The following KIF1B variants were observed in gnomAD, a reference collection of about 807,000 sequenced individuals.
The protein encoded by KIF1B is kinesin-like protein KIF1B.
A neutral mutation model predicts 241.9 loss-of-function variants in KIF1B; 76 were observed. That is an observed-to-expected ratio of 0.31 (90% CI 0.26 to 0.38). The LOEUF (loss-of-function observed/expected upper bound fraction) is 0.38. Ranked by LOEUF, KIF1B falls within the 10% of genes least tolerant of loss-of-function variation. KIF1B has a pLI of 1.00. For synonymous variants in KIF1B, 750 were observed against 796.7 expected, an observed-to-expected ratio of 0.94 and a Z score of 0.99; for missense variants, 1,622 against 2,271.4, an observed-to-expected ratio of 0.71 and a Z score of 5.81.
rs986170161 is a variant in KIF1B at position 10,247,380 on chromosome 1, C to G, written c.107-8867C>G. On this transcript the variant is annotated intron_variant, in intron 2 of 48. Transcript: ENST00000676179. ...TTGCTTTTATCTAAAATAGCCACTT[C>G]TACCACTTTCACTGTGATCTTTTAT... Among the ~76,000 whole-genome samples the G allele has an allele frequency of 4.8e-5, 7 of 146,706 alleles. No individual in the cohort carries two copies. The East Asian group carries it at 1.2e-3, about 24-fold the overall frequency.
chr1:10,269,731 TC>T (rs1472264965), intron 7 of KIF1B, among the ~76,000 whole-genome samples: 7 of 152,072 alleles, frequency 4.6e-5, no homozygotes, highest in Non-Finnish European at 8.8e-5. Flanking sequence ...GGCAGGAGAA[TC>T]GCTTGAACCT....
At chr1:10,258,695 A>C in intron 4 of KIF1B, 23 bp downstream of exon 4, 6 of 1,611,472 alleles carry the variant, frequency 3.7e-6, no homozygotes, top group Non-Finnish European at 5.1e-6. Flanking sequence ...ACAAAACAAA[A>C]ATCTTCTCTT....
intron 38 of KIF1B, among the ~76,000 whole-genome samples, chr1:10,356,030 A>C (rs1638231234): frequency 6.6e-6 from 1 of 152,166 alleles, no homozygotes; most frequent in African/African-American, 2.4e-5. Context: ...AGAAAATTGA[A>C]GGAAGTGATA....
rs1638933879 is a variant in KIF1B at position 10,378,079 on chromosome 1, G to C, written c.*1492G>C. ...TGTTTTCATTGATGCTTGTCAGGTT[G>C]AAGATGCTTTCAGTGATGCTCTCTA... On this transcript the variant is annotated 3_prime_UTR_variant, in exon 49 of 49. Transcript: ENST00000676179. 2 of 463,192 alleles carry C rather than the reference G, an allele frequency of 4.3e-6. No homozygotes were observed. Among genetic ancestry groups the C allele is most frequent in the Non-Finnish European group, 7.7e-6 (2 of 259,530 alleles). 28.7% of individuals were successfully genotyped at this position (463,192 alleles called of 1,614,324 possible). A position where few individuals can be genotyped will look rare whatever the true frequency, so the allele number is the denominator to read the frequency against.
chr1:10,257,589 A>G (rs1280119465), intron 3 of KIF1B, among the ~76,000 whole-genome samples: 1 of 152,096 alleles, frequency 6.6e-6, no homozygotes, highest in African/African-American at 2.4e-5. Flanking sequence ...TGGAACCCCA[A>G]ATGTTGCTGC....
At chr1:10,246,272 C>T (rs1323919270) in intron 2 of KIF1B, among the ~76,000 whole-genome samples, 1 of 152,120 alleles carries the variant, frequency 6.6e-6, no homozygotes, top group Non-Finnish European at 1.5e-5. Context: ...TTCTTACCTT[C>T]TCCGTTTTTC....
At chr1:10,264,025 G>A (rs1450763251) in intron 5 of KIF1B, among the ~76,000 whole-genome samples, 4 of 152,070 alleles carry the variant, frequency 2.6e-5, no homozygotes, top group Admixed American at 6.5e-5. Flanking sequence ...AGTTTCTCAC[G>A]TTCTTCAAGT....
chr1:10,211,737 A>C (rs1646696331), intron 1 of KIF1B: 1 of 151,864 alleles, frequency 6.6e-6, no homozygotes, highest in Non-Finnish European at 1.5e-5. Flanking sequence ...TGAGCTTCCA[A>C]GGTAAACTGC....
At chr1:10,330,247 A>G (rs1428176231) in intron 27 of KIF1B, among the ~76,000 whole-genome samples, 1 of 152,204 alleles carries the variant, frequency 6.6e-6, no homozygotes, top group Non-Finnish European at 1.5e-5. Flanking sequence ...GCTAAGGGCT[A>G]TATTCTGGTA....
At chr1:10,343,933 A>G (rs1377592851) in intron 34 of KIF1B, among the ~76,000 whole-genome samples, 2 of 152,106 alleles carry the variant, frequency 1.3e-5, no homozygotes, top group Non-Finnish European at 2.9e-5. Flanking sequence ...GGGACTAGGC[A>G]TTTCTTTGCA....
intron 7 of KIF1B, among the ~76,000 whole-genome samples, chr1:10,270,610 T>G (rs1401362328): frequency 6.6e-6 from 1 of 152,140 alleles, no homozygotes; most frequent in African/African-American, 2.4e-5. Context: ...GTAGGATGAT[T>G]GAGTCTTATT....
At chr1:10,290,674 A>C (rs768219327) in intron 15 of KIF1B, among the ~76,000 whole-genome samples, 78 of 151,758 alleles carry the variant, frequency 5.1e-4, no homozygotes, top group Non-Finnish European at 9.3e-4. Flanking sequence ...GCTTGAGACC[A>C]TCCTGGCCAA....
At chr1:10,291,850 T>C (rs886964161) in intron 16 of KIF1B, among the ~76,000 whole-genome samples, 197 bp from the exon 17 acceptor site, 1 of 152,224 alleles carries the variant, frequency 6.6e-6, no homozygotes, top group Non-Finnish European at 1.5e-5. Context: ...CAAGATTTCA[T>C]TGATTTTGAA....
chr1:10,337,102 G>A lies in KIF1B; in HGVS notation c.3158G>A (p.Arg1053His), dbSNP rs969289278. ...QSDFSSVAMT[R>H]SGLSLEELRI... is the part of the protein sequence containing the mutation. ...GACTTTTCGTCTGTTGCAATGACTC[G>A]TTCTGGTCTGTCCTTGGAGGAGTTG... The change falls in exon 30 of 49, where the codon CGT (arginine) becomes CAT (histidine). Residue 1053 changes from arginine (R) to histidine (H), a missense_variant. Coordinates refer to ENST00000676179, the MANE Select transcript of KIF1B (RefSeq NM_001365951.3). The surrounding 1 kb of genome is among the most constrained non-coding windows in gnomAD (Gnocchi z 4.0). 1.1e-5 allele frequency: 18 copies of A among 1,613,948 alleles called. No homozygotes were observed. The highest frequency in any genetic ancestry group is 4.5e-5 in the East Asian group (2 of 44,890).
intron 41 of KIF1B, among the ~76,000 whole-genome samples, chr1:10,364,498 C>T (rs890184002): frequency 1.4e-5 from 2 of 140,016 alleles, no homozygotes; most frequent in African/African-American, 4.9e-5. Context: ...GCCATCACGC[C>T]CGGCCCCATA....
At chr1:10,375,786 G>GTTTTTTTTT (rs201620952) in intron 48 of KIF1B, among the ~76,000 whole-genome samples, 7 of 69,560 alleles carry the variant, frequency 1.0e-4, no homozygotes, top group Non-Finnish European at 1.6e-4. Flanking sequence ...TTCTTTTCTT[G>GTTTTTTTTT]TTTTTTTTTT....
At chr1:10,238,502 G>A (rs1383823697) in intron 2 of KIF1B, among the ~76,000 whole-genome samples, 1 of 151,592 alleles carries the variant, frequency 6.6e-6, no homozygotes, top group Non-Finnish European at 1.5e-5. Context: ...TCAGGAGTTC[G>A]AGACCAGCCT....
intron 24 of KIF1B, among the ~76,000 whole-genome samples, chr1:10,323,411 A>G (rs1435028903): frequency 6.6e-6 from 1 of 152,166 alleles, no homozygotes; most frequent in Non-Finnish European, 1.5e-5. Context: ...ATTTGAGCTC[A>G]GGAGTTCAAG....
At chr1:10,253,071 T>C (rs1647558140) in intron 2 of KIF1B, among the ~76,000 whole-genome samples, 1 of 152,058 alleles carries the variant, frequency 6.6e-6, no homozygotes, top group African/African-American at 2.4e-5. Flanking sequence ...TTTAGTGGGG[T>C]GGCCACATAC....
Sources: gnomAD v4.1 joint callset for allele counts (sites outside exome capture counted in the v4.1 genomes callset) on GRCh38, gnomAD v4.1.1 for gene constraint, Gnocchi (gnomAD v3.1) non-coding constraint, MANE v1.5 for transcripts, NCBI Gene and HGNC (gene_info 2026-07-23, HGNC 2026-07-21) for gene names.